The following ALG12 variants were observed in gnomAD, a reference collection of about 807,000 sequenced individuals.
The protein encoded by ALG12 is ALG12 alpha-1,6-mannosyltransferase.
In ALG12, 36 loss-of-function variants were observed where a neutral mutation model predicts 46.0. The ratio of observed to expected loss-of-function variants is 0.78; its 90% CI spans 0.60 to 1.03. ALG12 has a LOEUF of 1.03. Among genes scored for constraint, ALG12 ranks in the 50% least tolerant of loss-of-function variants. The pLI is 0.00. For synonymous variants in ALG12, 326 were observed against 291.6 expected (o/e 1.12, Z -1.20); for missense variants, 599 against 633.5 (o/e 0.95, Z 0.58).
the ALG12 span, chr22:49,887,380 C>T: frequency 2.9e-5 from 14 of 482,588 alleles, no homozygotes; most frequent in Middle Eastern, 5.6e-4. Context: ...TTTATTAAGA[C>T]GTCCACTAGA....
At position 49,905,279 on chromosome 22, in the gene ALG12, G is replaced by T. The variant is rs1306712626; in HGVS notation, c.993-773C>A. On this transcript the variant is annotated intron_variant, in intron 7 of 9. Coordinates refer to ENST00000330817, the MANE Select transcript of ALG12 (RefSeq NM_024105.4). The surrounding 1 kb of genome is among the most constrained non-coding windows in gnomAD (Gnocchi z 4.9). ...CTTAACGGAAAAGCTTGCCAACCCT[G>T]GTCTAAACGCCCTGAACCCCCGATC... is the stretch of plus-strand genomic sequence containing the variant. 6.6e-6 allele frequency among the ~76,000 whole-genome samples: 1 copy of T among 152,116 alleles called. No individual in the cohort carries two copies. The highest frequency in any genetic ancestry group is 1.5e-5 in the Non-Finnish European group (1 of 68,026).
intron 5 of ALG12, 143 bp from the exon 6 acceptor site, chr22:49,909,490 T>A: frequency 1.2e-6 from 1 of 853,000 alleles, no homozygotes; most frequent in Non-Finnish European, 1.9e-6. Context: ...TGCTGGAGCC[T>A]AGGAGTTCAA....
chr22:49,873,186 C>G, the ALG12 span, among the ~76,000 whole-genome samples: 2 of 152,316 alleles, frequency 1.3e-5, no homozygotes, highest in Non-Finnish European at 2.9e-5. Context: ...TACAAGAGTC[C>G]TAGCGTTGGC....
intron 7 of ALG12, 198 bp from the exon 8 acceptor site, chr22:49,904,704 C>T (rs1410711518): frequency 3.3e-6 from 2 of 611,284 alleles, no homozygotes; most frequent in African/African-American, 1.9e-5. Flanking sequence ...TGAAATTCTA[C>T]CCAAGATGCC....
chr22:49,865,643 C>A, the ALG12 span, among the ~76,000 whole-genome samples: 2 of 152,054 alleles, frequency 1.3e-5, no homozygotes, highest in Non-Finnish European at 2.9e-5. Context: ...CCACTGCACT[C>A]CAGTCTGGGC....
At chr22:49,870,387 T>C in the ALG12 span, among the ~76,000 whole-genome samples, 1 of 152,210 alleles carries the variant, frequency 6.6e-6, no homozygotes, top group South Asian at 2.1e-4. Flanking sequence ...TTTTAGTTCT[T>C]TGAGAAGACT....
the ALG12 span, chr22:49,883,720 A>G: frequency 2.5e-6 from 4 of 1,607,798 alleles, no homozygotes; most frequent in Non-Finnish European, 2.6e-6. Context: ...TTCTGATAAA[A>G]TAAAGTTTAA....
At position 49,904,416 on chromosome 22, in the gene ALG12, C is replaced by T. The variant is rs376700607; in HGVS notation, c.1083G>A (p.Thr361=). The T allele has an allele frequency of 2.0e-5, 33 of 1,613,962 alleles. No homozygotes were observed. The highest frequency in any genetic ancestry group is 3.3e-5 in the Admixed American group (2 of 59,986). ...AGTTGAAATGGGACACATACAGGGC[C>T]GTGGCTGAGTAGGCGGCATTCACCA... ...HLVVNAAYSA[T]ALYVSHFNYP... The change falls in exon 8 of 10, where the codon ACG becomes ACA. Residue 361 remains threonine, a synonymous_variant. Transcript: ENST00000330817.
At chr22:49,904,151 G>A (rs1333279691) in intron 9 of ALG12, 28 bp downstream of exon 9, 1 of 1,614,152 alleles carries the variant, frequency 6.2e-7, no homozygotes, top group East Asian at 2.2e-5. Flanking sequence ...ATGGCCTCTG[G>A]GAGGGCCGTG....
the ALG12 span, among the ~76,000 whole-genome samples, chr22:49,876,812 G>C: frequency 1.6e-3 from 238 of 152,272 alleles, 7 homozygotes; most frequent in East Asian, 0.037. Context: ...GTTTTTAGTA[G>C]TGGTATTTCC....
the ALG12 span, chr22:49,885,207 C>T: frequency 1.9e-6 from 3 of 1,613,682 alleles, no homozygotes; most frequent in South Asian, 1.1e-5. Flanking sequence ...AGAAGGGCTT[C>T]CTGGGTGCAA....
At chr22:49,896,823 G>A (rs1323228022), downstream of ALG12, among the ~76,000 whole-genome samples, 1 of 147,258 alleles carries the variant, frequency 6.8e-6, no homozygotes, top group Non-Finnish European at 1.5e-5. Flanking sequence ...TTTTTTTTTA[G>A]TAGAGACGGG....
chr22:49,884,844 T>G, the ALG12 span: 2 of 1,610,590 alleles, frequency 1.2e-6, no homozygotes, highest in Admixed American at 3.3e-5. Context: ...ACAGGCTGAC[T>G]GAGGACTTGC....
the ALG12 span, among the ~76,000 whole-genome samples, chr22:49,870,762 T>C: frequency 6.6e-6 from 1 of 152,080 alleles, no homozygotes; most frequent in African/African-American, 2.4e-5. Flanking sequence ...ATTCAGTGGG[T>C]TTTCTGTTTA....
At position 49,913,442 on chromosome 22, in the gene ALG12, G is replaced by T. The variant is rs759168205; in HGVS notation, c.238C>A (p.Pro80Thr). ...AACAGCGAAAGCACGTAAACCGCGG[G>T]GCTGGAGAACACTGCGATCACCACT... ...GPVVIAVFSS[P>T]AVYVLSLLEM... Residue 80 changes from proline to threonine, a missense_variant, in exon 3 of 10, where the codon CCC becomes ACC. Pro to Thr is a conservative substitution (Grantham distance 38). Transcript: ENST00000330817. 1 of 1,614,030 alleles carries T rather than the reference G, an allele frequency of 6.2e-7. No homozygotes were observed. Among genetic ancestry groups the T allele is most frequent in the East Asian group, 2.2e-5 (1 of 44,888 alleles).
the ALG12 span, among the ~76,000 whole-genome samples, chr22:49,869,367 C>T: frequency 3.3e-5 from 5 of 152,194 alleles, no homozygotes; most frequent in East Asian, 1.9e-4. Flanking sequence ...TTATCCACCT[C>T]GGGCCTTTTT....
At position 49,904,013 on chromosome 22, in the gene ALG12, T is replaced by C. The variant is rs2060529015; in HGVS notation, c.1292A>G (p.His431Arg). The C allele has an allele frequency of 1.9e-6, 3 of 1,614,140 alleles. No homozygotes were observed. The highest frequency in any genetic ancestry group is 2.5e-6 in the Non-Finnish European group (3 of 1,179,990). Residue 431 changes from histidine to arginine, a missense_variant, in exon 10 of 10, where the codon CAC becomes CGC. Physicochemically the swap from His to Arg is conservative, Grantham distance 29. Coordinates refer to ENST00000330817, the MANE Select transcript of ALG12 (RefSeq NM_024105.4). ...CCCAGGGGCCGCCTCCATGAGGATGTGTGTGTATGCCAGCATGCCTGTCCC... is the reference window on the plus strand; with the variant it reads ...CCCAGGGGCCGCCTCCATGAGGATGCGTGTGTATGCCAGCATGCCTGTCCC... ...QPGTGMLAYT[H>R]ILMEAAPGLL... is the part of the protein sequence containing the mutation.
In ALG12 at chr22:49,902,125, CGTGTGCACTGTGTGTGG is replaced by C; in HGVS notation, c.*1696_*1712del. On this transcript the variant is annotated 3_prime_UTR_variant, in exon 10 of 10. Coordinates refer to ENST00000330817, the MANE Select transcript of ALG12 (RefSeq NM_024105.4). ...CACTGTGTATGCATGGTAATGTGCA[CGTGTGCACTGTGTGTGG>C]TGTGTATGCATGGTGTGTGCACGTG... 1 of 117,602 alleles carries C rather than the reference CGTGTGCACTGTGTGTGG, an allele frequency of 8.5e-6. No homozygotes were observed. The highest frequency in any genetic ancestry group is 3.5e-5 in the African/African-American group (1 of 28,630). The allele number at this position is 117,602 out of a possible 1,614,324, so 7.3% of individuals were successfully genotyped here.
chr22:49,908,736 G>C (rs1186315793), intron 6 of ALG12, among the ~76,000 whole-genome samples: 5 of 146,208 alleles, frequency 3.4e-5, no homozygotes, highest in African/African-American at 1.3e-4. Flanking sequence ...TGGATCACCT[G>C]AGTTCAAGAG....
Sources: gnomAD v4.1 joint callset for allele counts (sites outside exome capture counted in the v4.1 genomes callset) on GRCh38, gnomAD v4.1.1 for gene constraint, Gnocchi (gnomAD v3.1) non-coding constraint, MANE v1.5 for transcripts, NCBI Gene and HGNC (gene_info 2026-07-23, HGNC 2026-07-21) for gene names.